CSMD1: variants seen among roughly 807,000 people sequenced by gnomAD.
CSMD1 encodes the protein CUB and Sushi multiple domains 1.
A neutral mutation model predicts 417.5 loss-of-function variants in CSMD1; 213 were observed. The observed-to-expected ratio is 0.51, with a 90% CI of 0.46 to 0.57. The LOEUF is 0.57. Among genes scored for constraint, CSMD1 ranks in the 20% least tolerant of loss-of-function variants. CSMD1 has a pLI of 0.00. For missense variants in CSMD1, 6,923 were observed against 4,529.7 expected (o/e 1.53, Z -15.17); for synonymous variants, 2,862 against 1,736.8 (o/e 1.65, Z -16.11).
At chr8:4,540,224 T>A (rs923359790) in intron 2 of CSMD1, among the ~76,000 whole-genome samples, 59 of 152,164 alleles carry the variant, frequency 3.9e-4, no homozygotes, top group African/African-American at 1.4e-3. Context: ...TGCTGCTGGT[T>A]TGCTCAGATA....
intron 7 of CSMD1, among the ~76,000 whole-genome samples, chr8:3,684,870 T>C (rs1451577484): frequency 6.6e-6 from 1 of 152,152 alleles, no homozygotes; most frequent in Non-Finnish European, 1.5e-5. Flanking sequence ...AATTCTTACA[T>C]ACTTTATTGC....
chr8:4,623,482 T>C (rs1321153682), intron 2 of CSMD1, among the ~76,000 whole-genome samples: 1 of 152,140 alleles, frequency 6.6e-6, no homozygotes, highest in Admixed American at 6.6e-5. Flanking sequence ...TCTTGAATGT[T>C]TGACCACAGT....
chr8:4,484,908 G>C (rs565760462), intron 2 of CSMD1, among the ~76,000 whole-genome samples: 2 of 139,902 alleles, frequency 1.4e-5, no homozygotes, highest in African/African-American at 5.2e-5. Flanking sequence ...GGGAGGCAGA[G>C]GTTGCAGTGA....
chr8:3,389,516 G>T (rs1433367223), intron 17 of CSMD1, among the ~76,000 whole-genome samples: 1 of 152,174 alleles, frequency 6.6e-6, no homozygotes, highest in South Asian at 2.1e-4. Context: ...AAAAAAAACA[G>T]TTAACTAAAT....
intron 2 of CSMD1, among the ~76,000 whole-genome samples, chr8:4,522,991 C>G (rs149693774): frequency 8.0e-4 from 122 of 152,220 alleles, no homozygotes; most frequent in African/African-American, 2.8e-3. Context: ...CAAAGTCCCC[C>G]AAGTACTAAG....
At chr8:3,525,308 T>G (rs142059725) in intron 10 of CSMD1, among the ~76,000 whole-genome samples, 29 of 152,176 alleles carry the variant, frequency 1.9e-4, no homozygotes, top group African/African-American at 6.7e-4. Flanking sequence ...AAAAAGGAAT[T>G]AGCATTTCCA....
intron 5 of CSMD1, among the ~76,000 whole-genome samples, chr8:3,779,762 C>T (rs17067506): frequency 0.026 from 3,911 of 152,216 alleles, 182 homozygotes; most frequent in East Asian, 0.15. Flanking sequence ...AAAGAGATCC[C>T]AGGTCCTCAT....
intron 2 of CSMD1, among the ~76,000 whole-genome samples, chr8:4,486,122 CATATAT>C (rs549034961): frequency 3.9e-5 from 5 of 126,958 alleles, no homozygotes; most frequent in East Asian, 4.5e-4. Flanking sequence ...TATATACATA[CATATAT>C]ATATATATAC....
intron 5 of CSMD1, among the ~76,000 whole-genome samples, chr8:3,884,963 A>G (rs1390301362): frequency 6.7e-6 from 1 of 150,028 alleles, no homozygotes; most frequent in Non-Finnish European, 1.5e-5. Flanking sequence ...ACACACATTC[A>G]GAAGGCATCA....
At chr8:4,608,268 G>C (rs1585323744) in intron 2 of CSMD1, among the ~76,000 whole-genome samples, 3 of 152,326 alleles carry the variant, frequency 2.0e-5, no homozygotes, top group Middle Eastern at 3.4e-3. Context: ...AGTGGTAAAA[G>C]TCTGCACCGT....
intron 3 of CSMD1, among the ~76,000 whole-genome samples, chr8:4,142,448 ACTC>A (rs1458835597): frequency 1.3e-5 from 2 of 150,952 alleles, no homozygotes; most frequent in East Asian, 3.9e-4. Context: ...GTTTCCCTCT[ACTC>A]CTCTGAGAAT....
At chr8:4,042,392 G>C (rs762695439) in intron 3 of CSMD1, among the ~76,000 whole-genome samples, 1 of 152,082 alleles carries the variant, frequency 6.6e-6, no homozygotes, top group African/African-American at 2.4e-5. Context: ...CAACTTATAG[G>C]AAGTACTGAA....
At chr8:3,767,194 G>C (rs945452778) in intron 5 of CSMD1, among the ~76,000 whole-genome samples, 2 of 152,230 alleles carry the variant, frequency 1.3e-5, no homozygotes, top group Non-Finnish European at 2.9e-5. Context: ...ATCGTAGAAA[G>C]CAAGTTCATT....
intron 3 of CSMD1, among the ~76,000 whole-genome samples, chr8:4,306,642 A>G (rs147366246): frequency 2.5e-3 from 384 of 152,232 alleles, no homozygotes; most frequent in African/African-American, 8.5e-3. Flanking sequence ...ATCTGGATGT[A>G]TCCATTGTCG....
intron 7 of CSMD1, among the ~76,000 whole-genome samples, chr8:3,650,779 G>A (rs943921769): frequency 1.3e-5 from 2 of 152,124 alleles, no homozygotes; most frequent in Non-Finnish European, 2.9e-5. Context: ...TTTTTCTAAA[G>A]AGTTTCCACC....
At chr8:4,772,941 T>C (rs1001560060) in intron 1 of CSMD1, among the ~76,000 whole-genome samples, 2 of 152,154 alleles carry the variant, frequency 1.3e-5, no homozygotes, top group African/African-American at 2.4e-5. Context: ...CCCTGCAACA[T>C]TGCTGGAATA....
rs1230321570 is a variant in CSMD1, at chr8:4,407,409, T to C, written c.415+12544A>G. 2.0e-5 allele frequency among the ~76,000 whole-genome samples: 3 copies of C among 152,210 alleles called. No individual in the cohort carries two copies. In the East Asian group the frequency reaches 5.8e-4, roughly 29 times the overall value. On this transcript the variant is annotated intron_variant, in intron 3 of 69. Transcript: ENST00000635120. ...GGCTAGAAGGCAACTTGTGTTTAGG[T>C]TGCTGCAAATTCAAACAATTGAATT...
chr8:4,172,954 G>C (rs919082007), intron 3 of CSMD1, among the ~76,000 whole-genome samples: 1 of 152,130 alleles, frequency 6.6e-6, no homozygotes, highest in East Asian at 1.9e-4. Context: ...CTCGAGGGCT[G>C]AGGCAGGCAG....
intron 49 of CSMD1, among the ~76,000 whole-genome samples, chr8:3,076,390 A>AGGACACCAGCCACATTGG (rs375523321): frequency 6.6e-6 from 1 of 152,156 alleles, no homozygotes; most frequent in Non-Finnish European, 1.5e-5. Context: ...CTCTGTAAAG[A>AGGACACCAGCCACATTGG]AAGACCCTGT....
Sources: allele counts gnomAD v4.1 joint callset (sites outside exome capture counted in the v4.1 genomes callset), GRCh38; gene constraint gnomAD v4.1.1; transcripts MANE v1.5; gene names NCBI Gene and HGNC (gene_info 2026-07-23, HGNC 2026-07-21).